CDH26: variants seen among roughly 807,000 people sequenced by gnomAD.
CDH26 encodes the protein cadherin-like protein 26.
CDH26 carries 83 observed loss-of-function variants against 90.3 expected under a neutral mutation model. That is an observed-to-expected ratio of 0.92 (90% CI 0.77 to 1.10). The LOEUF is 1.10. CDH26 is among the 50% of genes least tolerant of loss of function. The probability of loss-of-function intolerance (pLI) is 0.00; values close to 1 mark genes in which losing one functional copy is unlikely to be tolerated. For synonymous variants in CDH26, 397 were observed against 396.3 expected (o/e 1.00, Z -0.02); for missense variants, 1,013 against 1,037.6 (o/e 0.98, Z 0.33).
chr20:59,982,320 T>A (rs955266150), intron 4 of CDH26, among the ~76,000 whole-genome samples: 1 of 152,198 alleles, frequency 6.6e-6, no homozygotes, highest in African/African-American at 2.4e-5. Context: ...TTGTTTGGAT[T>A]TATTATGATG....
At chr20:60,023,660 A>C (rs944305033) in intron 7 of CDH26, among the ~76,000 whole-genome samples, 1 of 152,208 alleles carries the variant, frequency 6.6e-6, no homozygotes, top group Admixed American at 6.5e-5. Flanking sequence ...GTACCTGAGC[A>C]AGAATGAAAG....
chr20:59,990,311 T>C (rs2061513011), intron 9 of CDH26, among the ~76,000 whole-genome samples: 1 of 152,142 alleles, frequency 6.6e-6, no homozygotes, highest in African/African-American at 2.4e-5. Flanking sequence ...CTTGAAGAAA[T>C]GGAAGAAATT....
At chr20:60,033,258 T>C (rs1309197153) in intron 8 of CDH26, among the ~76,000 whole-genome samples, 1 of 152,228 alleles carries the variant, frequency 6.6e-6, no homozygotes, top group Non-Finnish European at 1.5e-5. Context: ...TCATTGCTAT[T>C]ACTCTTACCA....
rs768040123 is a variant in CDH26 at position 59,987,544 on chromosome 20, G to A, written c.929G>A (p.Arg310Lys). Reference protein sequence around the residue: ...DRDSPFTSAWRAKFNILHGNE... With the variant: ...DRDSPFTSAWKAKFNILHGNE... ...GATTCTCCATTTACATCAGCTTGGA[G>A]AGCAAAATTCAACATATTGCATGGC... Residue 310 changes from arginine (R) to lysine (K), a missense_variant, in exon 8 of 18, where the codon AGA becomes AAA. Arg to Lys is a conservative substitution (Grantham distance 26). Coordinates refer to ENST00000348616, the MANE Select transcript of CDH26 (RefSeq NM_177980.4). The A allele has an allele frequency of 6.8e-6, 11 of 1,614,088 alleles. No individual in the cohort carries two copies. In the South Asian group the frequency reaches 1.1e-4, roughly 16 times the overall value.
Position 59,985,221 on chromosome 20 carries a change from G to A in CDH26, c.837+92G>A. 14 of 1,454,414 alleles carry A rather than the reference G, an allele frequency of 9.6e-6. 1 individual carries two copies. The Middle Eastern group carries it at 7.2e-4, about 75-fold the overall frequency. The allele number at this position is 1,454,414 out of a possible 1,614,324, so 90.1% of individuals were successfully genotyped here. A position where few individuals can be genotyped will look rare whatever the true frequency, so the allele number is the denominator to read the frequency against. ...TTTTTCTCAGAGAGGGTGTTAGGCTGTTATCATATTGCTGTGAAGAAATAC... is the reference window on the plus strand; with the variant it reads ...TTTTTCTCAGAGAGGGTGTTAGGCTATTATCATATTGCTGTGAAGAAATAC... On this transcript the variant is annotated intron_variant, in intron 7 of 17. Coordinates refer to ENST00000348616, the MANE Select transcript of CDH26 (RefSeq NM_177980.4).
intron 1 of CDH26, 122 bp downstream of exon 1, chr20:59,958,917 G>A: frequency 1.0e-6 from 1 of 955,884 alleles, no homozygotes; most frequent in Non-Finnish European, 1.6e-6. Context: ...TGGGACCCAG[G>A]GCTGGCTGTC....
chr20:59,974,600 A>G (rs1456190724), intron 4 of CDH26, among the ~76,000 whole-genome samples: 2 of 152,182 alleles, frequency 1.3e-5, no homozygotes, highest in Non-Finnish European at 1.5e-5. Flanking sequence ...CTGTTATGTC[A>G]GGTTTTCAGG....
chr20:59,984,072 T>C (rs1354872321), intron 5 of CDH26, among the ~76,000 whole-genome samples: 1 of 152,248 alleles, frequency 6.6e-6, no homozygotes, highest in Non-Finnish European at 1.5e-5. Context: ...AGATGTAGAC[T>C]TGCTGGTTTG....
intron 16 of CDH26, among the ~76,000 whole-genome samples, chr20:60,003,776 C>T (rs758768123): frequency 9.9e-5 from 15 of 152,120 alleles, no homozygotes; most frequent in East Asian, 1.9e-4. Flanking sequence ...TTTGAGGAGT[C>T]GTAGGCCCTG....
chr20:59,981,666 A>G (rs1298273241), intron 4 of CDH26, among the ~76,000 whole-genome samples: 3 of 152,088 alleles, frequency 2.0e-5, no homozygotes, highest in Non-Finnish European at 4.4e-5. Context: ...ACTATTTGTT[A>G]GTATTTTGTT....
intron 5 of CDH26, among the ~76,000 whole-genome samples, chr20:59,983,767 GTA>G (rs534549458): frequency 1.6e-4 from 25 of 152,092 alleles, no homozygotes; most frequent in Non-Finnish European, 3.2e-4. Context: ...AGTACACATT[GTA>G]TATGCGTATA....
chr20:60,008,519 G>T (rs989353920), intron 17 of CDH26, among the ~76,000 whole-genome samples: 1 of 152,158 alleles, frequency 6.6e-6, no homozygotes, highest in Non-Finnish European at 1.5e-5. Flanking sequence ...GTGGGTCTGG[G>T]GTGCGCATCT....
chr20:59,973,189 G>A (rs985291754), intron 4 of CDH26, among the ~76,000 whole-genome samples: 1 of 152,214 alleles, frequency 6.6e-6, no homozygotes, highest in East Asian at 1.9e-4. Context: ...TTCTGTTTTA[G>A]TAGGTCAGGG....
At chr20:60,012,181 G>T (rs553976891) in intron 17 of CDH26, among the ~76,000 whole-genome samples, 4 of 152,202 alleles carry the variant, frequency 2.6e-5, no homozygotes, top group Non-Finnish European at 5.9e-5. Context: ...AGGGCCGGGG[G>T]GTCATGGAAG....
intron 7 of CDH26, among the ~76,000 whole-genome samples, chr20:60,025,135 T>C (rs916764015): frequency 3.9e-5 from 6 of 152,212 alleles, no homozygotes; most frequent in African/African-American, 1.4e-4. Context: ...GAGAAATAAA[T>C]GTAAGTCAGC....
intron 15 of CDH26, among the ~76,000 whole-genome samples, chr20:60,001,890 C>G (rs2061681295): frequency 6.6e-6 from 1 of 152,176 alleles, no homozygotes; most frequent in Admixed American, 6.5e-5. Context: ...TAATTTTAGA[C>G]TAAATAGAAG....
At chr20:59,969,677 A>G (rs1361788463) in intron 2 of CDH26, among the ~76,000 whole-genome samples, 1 of 152,228 alleles carries the variant, frequency 6.6e-6, no homozygotes, top group Non-Finnish European at 1.5e-5. Flanking sequence ...ATAGACAGAG[A>G]GGCATTAAAG....
intron 10 of CDH26, 58 bp from the exon 11 acceptor site, chr20:59,994,192 T>C (rs2061562060): frequency 1.3e-6 from 2 of 1,594,384 alleles, no homozygotes; most frequent in Admixed American, 3.5e-5. Context: ...GAGTGCTCAT[T>C]CTCCAGAGCT....
In CDH26 at chr20:59,987,650, C is replaced by A. The variant is rs1185153650; in HGVS notation, c.1023+12C>A. 7.5e-6 allele frequency: 12 copies of A among 1,595,158 alleles called. No homozygotes were observed. The highest frequency in any genetic ancestry group is 9.4e-6 in the Non-Finnish European group (11 of 1,169,842). On this transcript the variant is annotated intron_variant, in intron 8 of 17. Coordinates refer to ENST00000348616, the MANE Select transcript of CDH26 (RefSeq NM_177980.4). Reference sequence around the variant, plus strand: ...TAAATGTTATCAAGGTAACACCATACCGGTGACATACCAACCAGTTAGTGG... The same window carrying A: ...TAAATGTTATCAAGGTAACACCATAACGGTGACATACCAACCAGTTAGTGG...
Sources: gnomAD v4.1 joint callset for allele counts (sites outside exome capture counted in the v4.1 genomes callset) on GRCh38, gnomAD v4.1.1 for gene constraint, MANE v1.5 for transcripts, NCBI Gene and HGNC (gene_info 2026-07-23, HGNC 2026-07-21) for gene names.